PCDHGA1: variants seen among roughly 807,000 people sequenced by gnomAD.
The protein encoded by PCDHGA1 is protocadherin gamma subfamily A, 1.
A neutral mutation model predicts 58.0 loss-of-function variants in PCDHGA1; 32 were observed. That is an observed-to-expected ratio of 0.55 (90% confidence interval 0.42 to 0.74). PCDHGA1 has a LOEUF of 0.74. Ranked by LOEUF, PCDHGA1 falls within the 30% of genes least tolerant of loss-of-function variation. The pLI is 0.00. For synonymous variants in PCDHGA1, 498 were observed against 501.1 expected (o/e 0.99, Z 0.08); for missense variants, 1,205 against 1,182.3 (o/e 1.02, Z -0.28).
chr5:141,336,188 G>A (rs1010053291), intron 1 of PCDHGA1, among the ~76,000 whole-genome samples: 2 of 152,086 alleles, frequency 1.3e-5, no homozygotes, highest in African/African-American at 4.8e-5. Flanking sequence ...AACCAGTGGG[G>A]AGAAAATGAA....
intron 1 of PCDHGA1, among the ~76,000 whole-genome samples, chr5:141,453,492 G>T (rs1046043468): frequency 6.6e-6 from 1 of 152,000 alleles, no homozygotes; most frequent in Non-Finnish European, 1.5e-5. Flanking sequence ...AAAAAAAGGT[G>T]TACTCAGAAA....
At position 141,346,330 on chromosome 5, in the gene PCDHGA1, G is replaced by T. The variant is rs771815344; in HGVS notation, c.2421+13225G>T. On this transcript the variant is annotated intron_variant, in intron 1 of 3. Transcript: ENST00000517417. ...TCCCTCACTGCGGACTCGCGGAAGA[G>T]CCACCTGATTTTCCCCCAGCCCAAC... is the stretch of plus-strand genomic sequence containing the variant. 1.3e-4 allele frequency: 206 copies of T among 1,614,120 alleles called. 1 individual carries two copies. Among genetic ancestry groups the T allele is most frequent in the Middle Eastern group, 8.2e-4 (5 of 6,084 alleles).
At chr5:141,425,957 C>A (rs1317696447) in intron 1 of PCDHGA1, among the ~76,000 whole-genome samples, 1 of 152,140 alleles carries the variant, frequency 6.6e-6, no homozygotes, top group Non-Finnish European at 1.5e-5. Context: ...TACATTAGTC[C>A]AACACATCAG....
Position 141,432,377 on chromosome 5 carries a change from C to T in PCDHGA1, c.2422-62430C>T. 3.7e-6 allele frequency: 6 copies of T among 1,614,240 alleles called. No homozygotes were observed. Among genetic ancestry groups the T allele is most frequent in the Non-Finnish European group, 5.1e-6 (6 of 1,180,046 alleles). On this transcript the variant is annotated intron_variant, in intron 1 of 3. Transcript: ENST00000517417. This position sits in a 1 kb window ranked among gnomAD's most constrained non-coding sequence, Gnocchi z 6.0. ...AGTGATGGCGCGGGACAACGGGCAC[C>T]CGCCCCTCAGCAGCAACGTGTCGTT...
chr5:141,509,046 C>T (rs1442220429), intron 3 of PCDHGA1, among the ~76,000 whole-genome samples: 1 of 152,160 alleles, frequency 6.6e-6, no homozygotes, highest in Non-Finnish European at 1.5e-5. Flanking sequence ...CTCTCCCCCG[C>T]CCCCAGAAAG....
chr5:141,450,608 T>C (rs916441293), intron 1 of PCDHGA1, among the ~76,000 whole-genome samples: 5 of 151,776 alleles, frequency 3.3e-5, no homozygotes, highest in Admixed American at 2.6e-4. Flanking sequence ...TGCCTCAGCC[T>C]CCTGAGTAGC....
chr5:141,490,249 C>T lies in PCDHGA1; in HGVS notation c.2422-4558C>T, dbSNP rs2099697737. On this transcript the variant is annotated intron_variant, in intron 1 of 3. Coordinates refer to ENST00000517417, the MANE Select transcript of PCDHGA1 (RefSeq NM_018912.3). The surrounding 1 kb of genome is among the most constrained non-coding windows in gnomAD (Gnocchi z 5.4). ...TGCCATGGAGGGCCACTGTGTGATT[C>T]AAGTGGATGTGGGGGATGTCAATGA... The T allele has an allele frequency of 1.2e-6, 2 of 1,614,218 alleles. No individual in the cohort carries two copies. The highest frequency in any genetic ancestry group is 1.7e-6 in the Non-Finnish European group (2 of 1,180,044).
At chr5:141,350,048 G>C in intron 1 of PCDHGA1, 1 of 396,924 alleles carries the variant, frequency 2.5e-6, no homozygotes, top group Non-Finnish European at 4.4e-6. Context: ...CGCCGCTGTC[G>C]ACCAAAAGGA....
intron 1 of PCDHGA1, chr5:141,383,938 G>T (rs764534858): frequency 5.0e-6 from 8 of 1,613,866 alleles, no homozygotes; most frequent in Non-Finnish European, 5.9e-6. Context: ...TGCTCCAGAA[G>T]TGACTATGAC....
At chr5:141,403,589 A>ACGGCCT in intron 1 of PCDHGA1, 2 of 1,613,812 alleles carry the variant, frequency 1.2e-6, no homozygotes, top group Non-Finnish European at 1.7e-6. Context: ...CCTGGTCCTC[A>ACGGCCT]CGGCCTCGGA....
intron 1 of PCDHGA1, chr5:141,422,879 T>A: frequency 6.2e-7 from 1 of 1,614,240 alleles, no homozygotes; most frequent in Non-Finnish European, 8.5e-7. Context: ...TCGCTGAGCC[T>A]GTTCGTGCTG....
chr5:141,373,437 C>A (rs1769581564), intron 1 of PCDHGA1, among the ~76,000 whole-genome samples: 1 of 152,194 alleles, frequency 6.6e-6, no homozygotes. Flanking sequence ...GTGGGAGGAT[C>A]CCTTGATCCC....
chr5:141,346,273 G>C (rs202194695), intron 1 of PCDHGA1: 3 of 1,614,164 alleles, frequency 1.9e-6, no homozygotes, highest in Admixed American at 1.7e-5. Flanking sequence ...GACGGGGTTC[G>C]GGCTTTCCTG....
chr5:141,422,260 G>A, intron 1 of PCDHGA1: 1 of 1,564,392 alleles, frequency 6.4e-7, no homozygotes, highest in South Asian at 1.2e-5. Context: ...GAATGATAAC[G>A]CTCCAGAAAT....
intron 1 of PCDHGA1, chr5:141,375,163 A>C (rs1313060581): frequency 1.2e-6 from 2 of 1,613,774 alleles, no homozygotes; most frequent in South Asian, 2.2e-5. Flanking sequence ...CTGAAAGTGC[A>C]CCTCCAGGAA....
intron 2 of PCDHGA1, among the ~76,000 whole-genome samples, 170 bp from the exon 3 acceptor site, chr5:141,505,223 A>G (rs746167057): frequency 1.9e-4 from 29 of 152,176 alleles, no homozygotes; most frequent in Admixed American, 6.5e-5. Flanking sequence ...GACTTGTGGG[A>G]TTCTGGCTTC....
chr5:141,389,610 G>C, intron 1 of PCDHGA1: 1 of 1,613,118 alleles, frequency 6.2e-7, no homozygotes, highest in Non-Finnish European at 8.5e-7. Flanking sequence ...CTTCGATATG[G>C]TGCCGCACGC....
chr5:141,468,274 G>A (rs1461428449), intron 1 of PCDHGA1, among the ~76,000 whole-genome samples: 1 of 144,906 alleles, frequency 6.9e-6, no homozygotes, highest in Non-Finnish European at 1.5e-5. Flanking sequence ...GTGGTGAGCC[G>A]AGACCACGCC....
intron 1 of PCDHGA1, among the ~76,000 whole-genome samples, chr5:141,488,541 T>C (rs2099676694): frequency 6.6e-6 from 1 of 152,184 alleles, no homozygotes; most frequent in South Asian, 2.1e-4. Flanking sequence ...CTAAGTCCCA[T>C]GTCAGCTGAC....
Sources: allele counts gnomAD v4.1 joint callset (sites outside exome capture counted in the v4.1 genomes callset), GRCh38; gene constraint gnomAD v4.1.1; non-coding constraint Gnocchi (gnomAD v3.1); transcripts MANE v1.5; gene names NCBI Gene and HGNC (gene_info 2026-07-23, HGNC 2026-07-21).